TBL1X: variants seen among roughly 807,000 people sequenced by gnomAD.
TBL1X encodes the protein transducin beta like 1 X-linked.
In TBL1X, 10 loss-of-function variants were observed where a neutral mutation model predicts 50.7. The observed-to-expected ratio is 0.20, with a 90% CI of 0.12 to 0.33. TBL1X has a LOEUF of 0.33. Ranked by LOEUF, TBL1X falls within the 10% of genes least tolerant of loss-of-function variation. TBL1X has a pLI of 1.00. For synonymous variants in TBL1X, 190 were observed against 214.7 expected (o/e 0.88, Z 1.01); for missense variants, 340 against 504.4 (o/e 0.67, Z 3.12).
intron 5 of TBL1X, among the ~76,000 whole-genome samples, chrX:9,667,568 T>C (rs1343833588): frequency 8.9e-6 from 1 of 112,473 alleles, no homozygotes; most frequent in African/African-American, 3.2e-5. Context: ...TATAAGGTTT[T>C]ATTAAGAATT....
chrX:9,686,862 A>G (rs905085573), intron 6 of TBL1X, among the ~76,000 whole-genome samples: 1 of 111,968 alleles, frequency 8.9e-6, no homozygotes, highest in Admixed American at 9.4e-5. Flanking sequence ...ACCATTGTCC[A>G]CTCCATGGCC....
intron 5 of TBL1X, among the ~76,000 whole-genome samples, chrX:9,670,790 C>G (rs982067096): frequency 8.9e-6 from 1 of 112,313 alleles, no homozygotes; most frequent in Non-Finnish European, 1.9e-5. Context: ...TATTGTTCAG[C>G]TGAGTCTCTA....
chrX:9,475,497 C>T (rs758081207), intron 1 of TBL1X, among the ~76,000 whole-genome samples: 18 of 110,156 alleles, frequency 1.6e-4, no homozygotes, highest in Admixed American at 9.7e-4. Context: ...CTGCCTGCCT[C>T]GGCCTCCCAA....
intron 2 of TBL1X, among the ~76,000 whole-genome samples, chrX:9,560,837 C>T (rs748422893): frequency 2.7e-5 from 3 of 111,656 alleles, no homozygotes; most frequent in South Asian, 3.8e-4. Context: ...CTCCTGTTGT[C>T]GACAGATGAC....
intron 2 of TBL1X, among the ~76,000 whole-genome samples, chrX:9,503,084 G>A (rs181795270): frequency 4.4e-5 from 5 of 112,434 alleles, no homozygotes; most frequent in South Asian, 3.7e-4. Flanking sequence ...CATAATAAGC[G>A]TGTGAATCCT....
At chrX:9,650,744 T>C (rs1486501843) in intron 3 of TBL1X, among the ~76,000 whole-genome samples, 1 of 111,861 alleles carries the variant, frequency 8.9e-6, no homozygotes, top group Non-Finnish European at 1.9e-5. Context: ...CTTCAATTTT[T>C]CAAACACTCA....
At chrX:9,657,360 C>A (rs2082870489) in intron 5 of TBL1X, among the ~76,000 whole-genome samples, 1 of 112,358 alleles carries the variant, frequency 8.9e-6, no homozygotes, top group Non-Finnish European at 1.9e-5. Context: ...CTGGACCCAG[C>A]AGACCAGGTT....
chrX:9,473,049 C>G (rs754000868), intron 1 of TBL1X, among the ~76,000 whole-genome samples: 2 of 111,722 alleles, frequency 1.8e-5, no homozygotes, highest in East Asian at 5.6e-4. Flanking sequence ...TCACTGTTAC[C>G]TTGTCATCTA....
chrX:9,609,469 C>T (rs1210281492), intron 2 of TBL1X, among the ~76,000 whole-genome samples: 1 of 108,241 alleles, frequency 9.2e-6, no homozygotes, highest in Non-Finnish European at 1.9e-5. Flanking sequence ...ATGCCCCTTC[C>T]ACTTGACCTT....
At chrX:9,517,531 G>A (rs2082086552) in intron 2 of TBL1X, among the ~76,000 whole-genome samples, 1 of 111,983 alleles carries the variant, frequency 8.9e-6, no homozygotes, top group Non-Finnish European at 1.9e-5. Flanking sequence ...GACTCTTTCC[G>A]TTTTATAACT....
intron 2 of TBL1X, among the ~76,000 whole-genome samples, chrX:9,568,212 T>TTG (rs1345340350): frequency 9.0e-6 from 1 of 111,340 alleles, no homozygotes; most frequent in African/African-American, 3.3e-5. Context: ...ATGTTCTGTG[T>TTG]TGTGTGTGTG....
At chrX:9,629,480 G>C (rs2082709394) in intron 2 of TBL1X, among the ~76,000 whole-genome samples, 1 of 112,315 alleles carries the variant, frequency 8.9e-6, no homozygotes, top group Non-Finnish European at 1.9e-5. Flanking sequence ...GTTTCAGAAA[G>C]GGGGAGGATA....
chrX:9,672,097 T>C lies in TBL1X; in HGVS notation c.212-11946T>C, dbSNP rs533736589. 4.5e-4 allele frequency among the ~76,000 whole-genome samples: 51 copies of C among 112,794 alleles called. No homozygotes were observed. The South Asian group carries it at 8.7e-3, about 19-fold the overall frequency. ...TACAGTTGTTTAAGTATACATCTTG[T>C]TCAGTGTAGTCAAAAATTCTCCATT... On this transcript the variant is annotated intron_variant, in intron 5 of 17. Coordinates refer to ENST00000645353, the MANE Select transcript of TBL1X (RefSeq NM_005647.4).
chrX:9,671,863 CCATTTA>C (rs911233874), intron 5 of TBL1X, among the ~76,000 whole-genome samples: 15 of 112,497 alleles, frequency 1.3e-4, no homozygotes, highest in African/African-American at 4.9e-4. Flanking sequence ...GTGATTATAA[CCATTTA>C]CAGTAGCAAA....
intron 3 of TBL1X, chrX:9,645,404 G>A (rs1569085338): frequency 1.8e-5 from 2 of 112,231 alleles, no homozygotes; most frequent in Non-Finnish European, 3.8e-5. Context: ...CATGTTCAGA[G>A]TAGAAACTAT....
chrX:9,619,686 G>A (rs1410822877), intron 2 of TBL1X, among the ~76,000 whole-genome samples: 2 of 112,524 alleles, frequency 1.8e-5, no homozygotes, highest in Non-Finnish European at 3.8e-5. Context: ...TGAGGACACT[G>A]AGTGAAATGG....
chrX:9,672,738 T>G (rs1427373939), intron 5 of TBL1X, among the ~76,000 whole-genome samples: 2 of 111,863 alleles, frequency 1.8e-5, no homozygotes, highest in Admixed American at 9.5e-5. Context: ...TGAATGACAC[T>G]TCACGAGCAC....
chrX:9,588,275 G>T (rs2082481680), intron 2 of TBL1X, among the ~76,000 whole-genome samples: 1 of 111,462 alleles, frequency 9.0e-6, no homozygotes, highest in African/African-American at 3.3e-5. Context: ...TCGGATTTTG[G>T]TATCTGCAGG....
chrX:9,465,018 C>CG (rs1188986411), upstream of TBL1X: 1 of 108,473 alleles, frequency 9.2e-6, no homozygotes, highest in Non-Finnish European at 1.9e-5. Flanking sequence ...GGGCCGGCGG[C>CG]GGGGGCGGAC....
Sources: gnomAD v4.1 joint callset for allele counts (sites outside exome capture counted in the v4.1 genomes callset) on GRCh38, gnomAD v4.1.1 for gene constraint, MANE v1.5 for transcripts, NCBI Gene and HGNC (gene_info 2026-07-23, HGNC 2026-07-21) for gene names.